Variants in KCNH1 observed in about 807,000 individuals in gnomAD.
The protein encoded by KCNH1 is voltage-gated delayed rectifier potassium channel KCNH1.
Under a neutral mutation model 69.2 loss-of-function variants are expected in KCNH1, and 27 were observed. That is an observed-to-expected ratio of 0.39 (90% CI 0.29 to 0.54). The LOEUF is 0.54. Among genes scored for constraint, KCNH1 ranks in the 20% least tolerant of loss-of-function variants. The probability of loss-of-function intolerance (pLI) is 0.68; values close to 1 mark genes in which losing one functional copy is unlikely to be tolerated. For missense variants in KCNH1, 798 were observed against 1,261.6 expected, an observed-to-expected ratio of 0.63 and a Z score of 5.57; for synonymous variants, 456 against 487.7, an observed-to-expected ratio of 0.93 and a Z score of 0.86.
At chr1:210,706,514 G>A (rs560517609) in intron 10 of KCNH1, among the ~76,000 whole-genome samples, 3 of 152,322 alleles carry the variant, frequency 2.0e-5, no homozygotes, top group Non-Finnish European at 4.4e-5. Flanking sequence ...CCTGTTTGAT[G>A]GATACCTAAT....
intron 6 of KCNH1, among the ~76,000 whole-genome samples, chr1:210,983,433 G>C (rs7537597): frequency 0.24 from 36,281 of 152,064 alleles, 5,910 homozygotes; most frequent in African/African-American, 0.45. Context: ...AATCCATCTT[G>C]AATTAATTTT....
At chr1:210,790,155 G>A (rs892223490) in intron 9 of KCNH1, among the ~76,000 whole-genome samples, 9 of 152,198 alleles carry the variant, frequency 5.9e-5, no homozygotes, top group African/African-American at 2.2e-4. Context: ...TTCTATCTGT[G>A]TCTTTTTAAA....
At chr1:211,117,065 A>T (rs140471924) in intron 1 of KCNH1, among the ~76,000 whole-genome samples, 25 of 152,254 alleles carry the variant, frequency 1.6e-4, no homozygotes, top group African/African-American at 6.0e-4. Flanking sequence ...GATTCCTAGC[A>T]CTGCTGAATC....
intron 5 of KCNH1, among the ~76,000 whole-genome samples, chr1:211,069,156 G>T (rs1690587897): frequency 6.6e-6 from 1 of 152,212 alleles, no homozygotes; most frequent in African/African-American, 2.4e-5. Context: ...TCTCCAGCCA[G>T]CTCTAGCCAC....
chr1:210,832,141 A>G (rs985834712), intron 7 of KCNH1, among the ~76,000 whole-genome samples: 1 of 152,168 alleles, frequency 6.6e-6, no homozygotes, highest in African/African-American at 2.4e-5. Flanking sequence ...AAAGTCTTCT[A>G]GAATCTTCTC....
intron 6 of KCNH1, among the ~76,000 whole-genome samples, chr1:210,991,051 C>CA (rs1180874832): frequency 6.6e-6 from 1 of 151,946 alleles, no homozygotes; most frequent in African/African-American, 2.4e-5. Context: ...AAAGAGTCCT[C>CA]AAAAAAACTA....
intron 1 of KCNH1, among the ~76,000 whole-genome samples, chr1:211,125,413 C>T (rs1691760414): frequency 6.6e-6 from 1 of 152,148 alleles, no homozygotes; most frequent in Non-Finnish European, 1.5e-5. Context: ...ATGCAGTCCC[C>T]ATAATGCTGA....
At chr1:211,107,194 T>C (rs1276055374) in intron 2 of KCNH1, 60 bp downstream of exon 2, 1 of 1,591,988 alleles carries the variant, frequency 6.3e-7, no homozygotes, top group Non-Finnish European at 8.6e-7. Context: ...GTAAACCATT[T>C]TCTTTTTCCA....
intron 7 of KCNH1, chr1:210,859,095 A>G (rs1685918567): frequency 1.2e-6 from 1 of 864,832 alleles, no homozygotes; most frequent in Non-Finnish European, 1.9e-6. Flanking sequence ...AATAGATAAC[A>G]TGAACCAGTT....
At chr1:210,745,332 G>A (rs1396871233) in intron 10 of KCNH1, among the ~76,000 whole-genome samples, 1 of 152,140 alleles carries the variant, frequency 6.6e-6, no homozygotes, top group African/African-American at 2.4e-5. Context: ...AATGGTTTAT[G>A]GGTGCCTTCC....
intron 10 of KCNH1, among the ~76,000 whole-genome samples, chr1:210,762,313 A>C (rs1297672863): frequency 1.3e-5 from 2 of 152,182 alleles, no homozygotes; most frequent in Non-Finnish European, 2.9e-5. Context: ...GATCAGAGCT[A>C]AAGGAACTAG....
chr1:211,118,159 A>G (rs545537163), intron 1 of KCNH1, among the ~76,000 whole-genome samples: 27 of 152,334 alleles, frequency 1.8e-4, no homozygotes, highest in South Asian at 1.7e-3. Context: ...TGGTGGGTCC[A>G]TTTATATATG....
chr1:211,076,371 G>A (rs1235144288), intron 5 of KCNH1, among the ~76,000 whole-genome samples: 1 of 152,142 alleles, frequency 6.6e-6, no homozygotes, highest in Non-Finnish European at 1.5e-5. Context: ...TGCCCCTTGG[G>A]GATGAGGCCT....
At chr1:210,941,532 T>C (rs1687874949) in intron 6 of KCNH1, among the ~76,000 whole-genome samples, 1 of 152,212 alleles carries the variant, frequency 6.6e-6, no homozygotes, top group South Asian at 2.1e-4. Context: ...CTGTGAGAAC[T>C]GGGCAGGGTG....
intron 10 of KCNH1, among the ~76,000 whole-genome samples, chr1:210,692,548 A>G (rs906340337): frequency 1.3e-5 from 2 of 152,190 alleles, no homozygotes; most frequent in African/African-American, 4.8e-5. Context: ...GAACTTCAGA[A>G]GGTGGCCTTA....
chr1:210,768,905 C>A (rs1456076583), intron 10 of KCNH1, among the ~76,000 whole-genome samples: 1 of 152,176 alleles, frequency 6.6e-6, no homozygotes, highest in Non-Finnish European at 1.5e-5. Flanking sequence ...TCCCTAACAT[C>A]ACTCACTGAT....
intron 5 of KCNH1, among the ~76,000 whole-genome samples, chr1:211,064,517 C>T (rs1300532298): frequency 4.0e-5 from 6 of 151,874 alleles, no homozygotes; most frequent in South Asian, 2.1e-4. Context: ...GCCAAGATTG[C>T]GCCACTGCAC....
intron 6 of KCNH1, among the ~76,000 whole-genome samples, chr1:210,990,658 G>A (rs1688920893): frequency 6.6e-6 from 1 of 152,108 alleles, no homozygotes; most frequent in Non-Finnish European, 1.5e-5. Flanking sequence ...CTAAACTTTA[G>A]TTTACTCAAC....
At chr1:211,063,175 G>C (rs190405027) in intron 5 of KCNH1, among the ~76,000 whole-genome samples, 21 of 152,284 alleles carry the variant, frequency 1.4e-4, no homozygotes, top group African/African-American at 5.1e-4. Context: ...GATGGAAGTG[G>C]AGTCTATTCA....
Sources: allele counts gnomAD v4.1 joint callset (sites outside exome capture counted in the v4.1 genomes callset), GRCh38; gene constraint gnomAD v4.1.1; transcripts MANE v1.5; gene names NCBI Gene and HGNC (gene_info 2026-07-23, HGNC 2026-07-21).